Variants in BBOF1 observed in about 807,000 individuals in gnomAD.
BBOF1 encodes basal body-orientation factor 1.
Under a neutral mutation model 68.0 loss-of-function variants are expected in BBOF1, and 62 were observed. That is an observed-to-expected ratio of 0.91 (90% confidence interval 0.74 to 1.13). BBOF1 has a LOEUF of 1.13. BBOF1 is among the 50% of genes most tolerant of loss of function. BBOF1 has a pLI of 0.00. For synonymous variants in BBOF1, 208 were observed against 198.8 expected (o/e 1.05, Z -0.39); for missense variants, 534 against 600.1 (o/e 0.89, Z 1.15).
chr14:74,022,024 G>C (rs2068875570), intron 1 of BBOF1, among the ~76,000 whole-genome samples: 1 of 152,140 alleles, frequency 6.6e-6, no homozygotes, highest in Non-Finnish European at 1.5e-5. Context: ...TGGGTTTGCA[G>C]TGGAGAGAAC....
intron 2 of BBOF1, among the ~76,000 whole-genome samples, chr14:74,025,724 C>G (rs2059408274): frequency 6.6e-6 from 1 of 152,140 alleles, no homozygotes; most frequent in Non-Finnish European, 1.5e-5. Context: ...CTTGTGTCAA[C>G]AACCATGTCA....
At chr14:74,067,295 C>T, downstream of BBOF1, 1 of 1,439,352 alleles carries the variant, frequency 6.9e-7, no homozygotes, top group South Asian at 1.2e-5. Context: ...CATGATTGTT[C>T]CCACTGGCCA....
chr14:74,046,230 C>G, intron 6 of BBOF1, 100 bp downstream of exon 6: 1 of 1,066,810 alleles, frequency 9.4e-7, no homozygotes, highest in Non-Finnish European at 1.3e-6. Flanking sequence ...TCTGTTCTGG[C>G]TTACTTGCTT....
At chr14:74,069,072 A>G, downstream of BBOF1, 1 of 1,217,614 alleles carries the variant, frequency 8.2e-7, no homozygotes, top group Admixed American at 2.0e-5. Flanking sequence ...ATGGATTTGA[A>G]GTTTTCCTGT....
rs2059508248 is a variant in BBOF1, at chr14:74,029,302, G to T, written c.351+53G>T. 2.6e-6 allele frequency: 3 copies of T among 1,171,894 alleles called. No homozygotes were observed. The South Asian group carries it at 3.9e-5, about 15-fold the overall frequency. 72.6% of individuals were successfully genotyped at this position (1,171,894 alleles called of 1,614,324 possible). ...CACTTACTGGATGGTCAGGTTTCTG[G>T]CAAGCTCAGGTATTTAAGACCCAAT... On this transcript the variant is annotated intron_variant, in intron 3 of 11. Transcript: ENST00000394009.
intron 8 of BBOF1, among the ~76,000 whole-genome samples, chr14:74,052,432 G>A (rs2060087236): frequency 6.6e-6 from 1 of 151,310 alleles, no homozygotes. Flanking sequence ...GGATCAAGAG[G>A]TCAGGAGTTC....
intron 6 of BBOF1, among the ~76,000 whole-genome samples, chr14:74,047,498 A>ATGGCTCAC (rs1050476635): frequency 2.0e-5 from 3 of 151,924 alleles, no homozygotes; most frequent in African/African-American, 7.3e-5. Flanking sequence ...TGGTACAATC[A>ATGGCTCAC]TGGCTCACTG....
At chr14:74,053,096 C>T (rs2060105719) in intron 8 of BBOF1, among the ~76,000 whole-genome samples, 1 of 151,380 alleles carries the variant, frequency 6.6e-6, no homozygotes, top group South Asian at 2.1e-4. Flanking sequence ...TAAGACAAAA[C>T]CTAGACTTTT....
At chr14:74,079,149 C>T (rs936425689) in intron 10 of BBOF1, among the ~76,000 whole-genome samples, 26 of 151,696 alleles carry the variant, frequency 1.7e-4, no homozygotes, top group African/African-American at 5.4e-4. Context: ...ATTATCTTTA[C>T]CACATCTCTA....
At chr14:74,040,748 A>G in intron 5 of BBOF1, 103 bp downstream of exon 5, 1 of 652,968 alleles carries the variant, frequency 1.5e-6, no homozygotes, top group Non-Finnish European at 2.5e-6. Flanking sequence ...TCTTAATAGA[A>G]GATTAGAAGA....
chr14:74,059,084 CAAA>C (rs35760969), intron 11 of BBOF1: 484 of 49,666 alleles, frequency 9.7e-3, no homozygotes, highest in South Asian at 0.034. Context: ...AACTCCATCT[CAAA>C]AAAAAAAAAA....
chr14:74,072,608 T>A, intron 9 of BBOF1: 4 of 1,613,190 alleles, frequency 2.5e-6, no homozygotes, highest in Non-Finnish European at 3.4e-6. Context: ...AGCTTTACAG[T>A]TGGCTGAAAA....
intron 5 of BBOF1, among the ~76,000 whole-genome samples, chr14:74,043,756 C>A (rs2059887007): frequency 6.7e-6 from 1 of 149,210 alleles, no homozygotes; most frequent in Non-Finnish European, 1.5e-5. Context: ...TGGTCTCGAA[C>A]TCCTGACCTC....
intron 2 of BBOF1, among the ~76,000 whole-genome samples, chr14:74,028,506 AC>A (rs2140972800): frequency 7.9e-6 from 1 of 125,962 alleles, no homozygotes; most frequent in Non-Finnish European, 1.7e-5. Flanking sequence ...ACACACACAC[AC>A]ACACAAATAG....
At chr14:74,052,770 G>A (rs1342730849) in intron 8 of BBOF1, among the ~76,000 whole-genome samples, 1 of 152,150 alleles carries the variant, frequency 6.6e-6, no homozygotes, top group African/African-American at 2.4e-5. Flanking sequence ...GCTGAGGCAA[G>A]AGGATCATTT....
chr14:74,078,711 T>C (rs1032430758), intron 10 of BBOF1, among the ~76,000 whole-genome samples: 1 of 151,860 alleles, frequency 6.6e-6, no homozygotes, highest in Admixed American at 6.5e-5. Flanking sequence ...GTATTTTTAG[T>C]AGAGATGGGG....
chr14:74,050,403 C>T (rs75138131), intron 8 of BBOF1, among the ~76,000 whole-genome samples: 2,445 of 152,160 alleles, frequency 0.016, 68 homozygotes, highest in African/African-American at 0.056. Context: ...TTAGTATATT[C>T]CCCTCTGTCT....
intron 9 of BBOF1, among the ~76,000 whole-genome samples, chr14:74,075,301 T>A (rs2060600207): frequency 6.6e-6 from 1 of 152,218 alleles, no homozygotes; most frequent in East Asian, 1.9e-4. Flanking sequence ...GTACCATAAA[T>A]CTAACAATAT....
intron 8 of BBOF1, among the ~76,000 whole-genome samples, chr14:74,054,127 C>T (rs140682464): frequency 0.068 from 10,340 of 151,994 alleles, 545 homozygotes; most frequent in South Asian, 0.26. Context: ...CCGCCCGCCT[C>T]GTCCTCCCAA....
Sources: gnomAD v4.1 joint callset for allele counts (sites outside exome capture counted in the v4.1 genomes callset) on GRCh38, gnomAD v4.1.1 for gene constraint, MANE v1.5 for transcripts, NCBI Gene and HGNC (gene_info 2026-07-23, HGNC 2026-07-21) for gene names.